Variants in NDUFV1 observed in about 807,000 individuals in gnomAD.
The protein encoded by NDUFV1 is NADH dehydrogenase [ubiquinone] flavoprotein 1, mitochondrial.
In NDUFV1, 41 loss-of-function variants were observed where a neutral mutation model predicts 48.7. That is an observed-to-expected ratio of 0.84 (90% CI 0.66 to 1.09). NDUFV1 has a LOEUF of 1.09. Among genes scored for constraint, NDUFV1 ranks in the 50% least tolerant of loss-of-function variants. NDUFV1 has a pLI of 0.00. For synonymous variants in NDUFV1, 231 were observed against 259.1 expected (o/e 0.89, Z 1.04); for missense variants, 580 against 645.4 (o/e 0.90, Z 1.10).
intron 4 of NDUFV1, 196 bp from the exon 5 acceptor site, chr11:67,610,185 T>C (rs1854885391): frequency 3.2e-6 from 2 of 616,860 alleles, no homozygotes; most frequent in Middle Eastern, 4.3e-4. Flanking sequence ...AGCTTACTTA[T>C]GTGTTCCTTC....
intron 4 of NDUFV1, chr11:67,610,135 G>T: frequency 1.8e-6 from 1 of 565,680 alleles, no homozygotes; most frequent in Non-Finnish European, 3.1e-6. Flanking sequence ...TAGGAGACCT[G>T]ATAGTAGCTA....
rs1430434307 is a variant in NDUFV1, at chr11:67,612,256, G to A, written c.1299G>A (p.Trp433Ter). ...GTGCTCTGGGTGACGGGGCCGCCTGGCCTGTGCAGGTATTCACCACCCTTC... is the reference window on the plus strand; with the variant it reads ...GTGCTCTGGGTGACGGGGCCGCCTGACCTGTGCAGGTATTCACCACCCTTC... ...TICALGDGAA[W>*]PVQGLIRHFR... The change falls in exon 9 of 10, where the codon TGG becomes TGA. Residue 433 changes from tryptophan (W) to a stop codon, truncating the protein, a stop_gained. Coordinates refer to ENST00000322776, the MANE Select transcript of NDUFV1 (RefSeq NM_007103.4). LOFTEE classifies it high-confidence loss of function. This position sits in a 1 kb window ranked among gnomAD's most constrained non-coding sequence, Gnocchi z 4.4. 6.2e-7 allele frequency: 1 copy of A among 1,613,936 alleles called. No homozygotes were observed. Among genetic ancestry groups the A allele is most frequent in the South Asian group, 1.1e-5 (1 of 91,078 alleles).
At chr11:67,610,337 C>G (rs1854887688) in intron 4 of NDUFV1, 44 bp from the exon 5 acceptor site, 2 of 1,611,712 alleles carry the variant, frequency 1.2e-6, no homozygotes, top group Non-Finnish European at 1.7e-6. Context: ...AGGCTGACTC[C>G]TGGGCTGGGG....
Position 67,611,867 on chromosome 11 carries a change from G to C in NDUFV1, c.1081-30G>C. The C allele has an allele frequency of 6.2e-7, 1 of 1,612,502 alleles. No individual in the cohort carries two copies. The highest frequency in any genetic ancestry group is 8.5e-7 in the Non-Finnish European group (1 of 1,178,744). ...AGGCCCAGGCTTCTGTCTGGCCGTG[G>C]GTGCCTGCTAATTGCCCCTCGTCAC... is the stretch of plus-strand genomic sequence containing the variant. On this transcript the variant is annotated intron_variant, in intron 7 of 9. Coordinates refer to ENST00000322776, the MANE Select transcript of NDUFV1 (RefSeq NM_007103.4). This position sits in a 1 kb window ranked among gnomAD's most constrained non-coding sequence, Gnocchi z 4.2.
chr11:67,611,740 C>G lies in NDUFV1; in HGVS notation c.1081-157C>G. The G allele has an allele frequency of 7.3e-7, 1 of 1,373,506 alleles. No individual in the cohort carries two copies. Among genetic ancestry groups the G allele is most frequent in the Non-Finnish European group, 1.0e-6 (1 of 992,050 alleles). 85.1% of individuals were successfully genotyped at this position (1,373,506 alleles called of 1,614,324 possible). On this transcript the variant is annotated intron_variant, in intron 7 of 9. Transcript: ENST00000322776. The surrounding 1 kb of genome is among the most constrained non-coding windows in gnomAD (Gnocchi z 4.2). ...TGCTCTGAGGAGAATACCCCGGAGT[C>G]TGGGCAGCACAGGGGGCCCAGGGAG...
rs1449871589 is a variant in NDUFV1 at position 67,611,270 on chromosome 11, G to A, written c.913+63G>A. On this transcript the variant is annotated intron_variant, in intron 6 of 9. Coordinates refer to ENST00000322776, the MANE Select transcript of NDUFV1 (RefSeq NM_007103.4). The surrounding 1 kb of genome is among the most constrained non-coding windows in gnomAD (Gnocchi z 4.2). ...CAGTGGGGGCAGGTGTCCACAAAGAGAGCCTGGGCGGGAGGGCTCAGGAGA... is the reference window on the plus strand; with the variant it reads ...CAGTGGGGGCAGGTGTCCACAAAGAAAGCCTGGGCGGGAGGGCTCAGGAGA... 1 of 1,600,302 alleles carries A rather than the reference G, an allele frequency of 6.2e-7. No homozygotes were observed. The highest frequency in any genetic ancestry group is 1.3e-5 in the African/African-American group (1 of 74,642).
At position 67,611,930 on chromosome 11, in the gene NDUFV1, G is replaced by A. The variant is rs755932939; in HGVS notation, c.1114G>A (p.Glu372Lys). ...CGTGAAAGCCATCGCCCGCCTCATTGAGTTCTATAAGCACGAGAGCTGTGG... is the reference window on the plus strand; with the variant it reads ...CGTGAAAGCCATCGCCCGCCTCATTAAGTTCTATAAGCACGAGAGCTGTGG... ...DIVKAIARLI[E>K]FYKHESCGQC... The change falls in exon 8 of 10, where the codon GAG becomes AAG. Residue 372 changes from glutamate to lysine, a missense_variant. Physicochemically the swap from Glu to Lys is moderately conservative, Grantham distance 56. Transcript: ENST00000322776. This position sits in a 1 kb window ranked among gnomAD's most constrained non-coding sequence, Gnocchi z 4.2. 6.2e-7 allele frequency: 1 copy of A among 1,614,100 alleles called. No homozygotes were observed. Among genetic ancestry groups the A allele is most frequent in the South Asian group, 1.1e-5 (1 of 91,086 alleles).
At position 67,607,032 on chromosome 11, in the gene NDUFV1, T is replaced by G. The variant is rs538412544; in HGVS notation, c.28T>G (p.Trp10Gly). 1 of 1,609,732 alleles carries G rather than the reference T, an allele frequency of 6.2e-7. No individual in the cohort carries two copies. The highest frequency in any genetic ancestry group is 1.3e-5 in the African/African-American group (1 of 75,018). The change falls in exon 1 of 10, where the codon TGG becomes GGG. Residue 10 changes from tryptophan (W) to glycine (G), a missense_variant. Physicochemically the swap from Trp to Gly is radical, Grantham distance 184. Transcript: ENST00000322776. ...GCTGGCAACACGGCGGCTGCTCGGC[T>G]GGTCGCTTCCCGCGCGGGTATCTGT... MLATRRLLG[W>G]SLPARVSVRF...
chr11:67,609,503 G>A lies in NDUFV1; in HGVS notation c.378G>A (p.Lys126=). The change falls in exon 4 of 10, where the codon AAG becomes AAA. Residue 126 remains lysine, a synonymous_variant. Coordinates refer to ENST00000322776, the MANE Select transcript of NDUFV1 (RefSeq NM_007103.4). ...ACGAGGGGGAGCCGGGCACCTGCAA[G>A]GACCGGGAGATCTTACGCCATGATC... ...NADEGEPGTC[K]DREILRHDPH... 1 of 1,613,776 alleles carries A rather than the reference G, an allele frequency of 6.2e-7. No homozygotes were observed. Among genetic ancestry groups the A allele is most frequent in the Non-Finnish European group, 8.5e-7 (1 of 1,180,028 alleles).
chr11:67,611,466 T>A lies in NDUFV1; in HGVS notation c.977T>A (p.Leu326Gln). 1 of 1,614,120 alleles carries A rather than the reference T, an allele frequency of 6.2e-7. No individual in the cohort carries two copies. Among genetic ancestry groups the A allele is most frequent in the Non-Finnish European group, 8.5e-7 (1 of 1,180,000 alleles). ...AVIPGGSSTP[L>Q]IPKSVCETVL... ...ATCCCTGGCGGCTCGTCTACCCCAC[T>A]GATCCCCAAGTCTGTGTGTGAGACG... Residue 326 changes from leucine (L) to glutamine (Q), a missense_variant, in exon 7 of 10, where the codon CTG (leucine) becomes CAG (glutamine). Coordinates refer to ENST00000322776, the MANE Select transcript of NDUFV1 (RefSeq NM_007103.4). This position sits in a 1 kb window ranked among gnomAD's most constrained non-coding sequence, Gnocchi z 4.2.
At chr11:67,607,216 G>A in intron 1 of NDUFV1, 140 bp downstream of exon 1, 1 of 990,926 alleles carries the variant, frequency 1.0e-6, no homozygotes, top group Non-Finnish European at 1.5e-6. Context: ...CCCCGCTCCG[G>A]CCTGGTTGAA....
Position 67,611,344 on chromosome 11 carries a change from A to G in NDUFV1, c.914-59A>G. 1 of 1,602,906 alleles carries G rather than the reference A, an allele frequency of 6.2e-7. No homozygotes were observed. The highest frequency in any genetic ancestry group is 8.5e-7 in the Non-Finnish European group (1 of 1,173,550). ...TAAGGGCCTGGGCTCAGGACTAGGCAGGTGTGCCGGCCCCAGCCCTGACCA... is the reference window on the plus strand; with the variant it reads ...TAAGGGCCTGGGCTCAGGACTAGGCGGGTGTGCCGGCCCCAGCCCTGACCA... On this transcript the variant is annotated intron_variant, in intron 6 of 9. Coordinates refer to ENST00000322776, the MANE Select transcript of NDUFV1 (RefSeq NM_007103.4). This position sits in a 1 kb window ranked among gnomAD's most constrained non-coding sequence, Gnocchi z 4.2.
At chr11:67,610,150 G>A (rs1854884936) in intron 4 of NDUFV1, 1 of 574,666 alleles carries the variant, frequency 1.7e-6, no homozygotes, top group East Asian at 3.0e-5. Context: ...TAGCTACTTC[G>A]TTTTTATTTT....
chr11:67,612,072 T>C lies in NDUFV1; in HGVS notation c.1163-48T>C. 1 of 1,613,500 alleles carries C rather than the reference T, an allele frequency of 6.2e-7. No homozygotes were observed. The highest frequency in any genetic ancestry group is 1.3e-5 in the African/African-American group (1 of 74,878). On this transcript the variant is annotated intron_variant, in intron 8 of 9. Transcript: ENST00000322776. This position sits in a 1 kb window ranked among gnomAD's most constrained non-coding sequence, Gnocchi z 4.4. The stretch of plus-strand genomic sequence containing the variant: ...TGCAGCCCTCAAGCGCCGCCCCACA[T>C]CCTGGCTGGGGAGATCATCAGGCCC...
chr11:67,612,200 A>T lies in NDUFV1; in HGVS notation c.1243A>T (p.Ile415Phe). The change falls in exon 9 of 10, where the codon ATC becomes TTC. Residue 415 changes from isoleucine to phenylalanine, a missense_variant. Transcript: ENST00000322776. This position sits in a 1 kb window ranked among gnomAD's most constrained non-coding sequence, Gnocchi z 4.4. Reference protein sequence around the residue: ...RPAEIDSLWEISKQIEGHTIC... With the variant: ...RPAEIDSLWEFSKQIEGHTIC... Reference sequence around the variant, plus strand: ...GGCCGAGATCGACTCCCTGTGGGAGATCAGCAAGCAGATAGAAGGCCATAC... The same window carrying T: ...GGCCGAGATCGACTCCCTGTGGGAGTTCAGCAAGCAGATAGAAGGCCATAC... 6.2e-7 allele frequency: 1 copy of T among 1,613,392 alleles called. No homozygotes were observed. Among genetic ancestry groups the T allele is most frequent in the Non-Finnish European group, 8.5e-7 (1 of 1,179,896 alleles).
In NDUFV1 at chr11:67,611,906, G is replaced by A. The variant is rs762490920; in HGVS notation, c.1090G>A (p.Val364Met). 4 of 1,613,926 alleles carry A rather than the reference G, an allele frequency of 2.5e-6. No individual in the cohort carries two copies. The highest frequency in any genetic ancestry group is 2.2e-5 in the East Asian group (1 of 44,862). The change falls in exon 8 of 10, where the codon GTG becomes ATG. Residue 364 changes from valine to methionine, a missense_variant. Physicochemically the swap from Val to Met is conservative, Grantham distance 21 (BLOSUM62 1). Coordinates refer to ENST00000322776, the MANE Select transcript of NDUFV1 (RefSeq NM_007103.4). This position sits in a 1 kb window ranked among gnomAD's most constrained non-coding sequence, Gnocchi z 4.2. ...GCCCCTCGTCACCCAGACGGACATC[G>A]TGAAAGCCATCGCCCGCCTCATTGA... ...VIVMDRSTDI[V>M]KAIARLIEFY...
At chr11:67,607,192 CCAGG>C (rs1255993229) in intron 1 of NDUFV1, 116 bp downstream of exon 1, 9 of 1,227,248 alleles carry the variant, frequency 7.3e-6, no homozygotes, top group Non-Finnish European at 1.0e-5. Flanking sequence ...TCTCCCCAGG[CCAGG>C]CGGGAAGGCC....
intron 1 of NDUFV1, among the ~76,000 whole-genome samples, chr11:67,607,981 C>A (rs1372415372): frequency 6.6e-6 from 1 of 152,156 alleles, no homozygotes; most frequent in Non-Finnish European, 1.5e-5. Context: ...AATCCCAGCA[C>A]TTTGGGAGGC....
intron 3 of NDUFV1, 22 bp downstream of exon 3, chr11:67,608,744 A>G: frequency 6.2e-7 from 1 of 1,612,526 alleles, no homozygotes; most frequent in Non-Finnish European, 8.5e-7. Flanking sequence ...GGGGCGGGGC[A>G]GATGTGGCTG....
Sources: allele counts gnomAD v4.1 joint callset (sites outside exome capture counted in the v4.1 genomes callset), GRCh38; gene constraint gnomAD v4.1.1; non-coding constraint Gnocchi (gnomAD v3.1); transcripts MANE v1.5; gene names NCBI Gene and HGNC (gene_info 2026-07-23, HGNC 2026-07-21).